IQCH: variants seen among roughly 807,000 people sequenced by gnomAD.
IQCH encodes the protein IQ motif containing H.
Under a neutral mutation model 117.0 loss-of-function variants are expected in IQCH, and 98 were observed. That is an observed-to-expected ratio of 0.84 (90% confidence interval 0.71 to 0.99). IQCH has a LOEUF of 0.99. Among genes scored for constraint, IQCH ranks in the 50% least tolerant of loss-of-function variants. IQCH has a pLI of 0.00. For missense variants in IQCH, 1,102 were observed against 1,243.8 expected (o/e 0.89, Z 1.72); for synonymous variants, 412 against 448.2 (o/e 0.92, Z 1.02).
At chr15:67,336,870 T>C in intron 4 of IQCH, 105 bp from the exon 5 acceptor site, 1 of 1,136,700 alleles carries the variant, frequency 8.8e-7, no homozygotes, top group Non-Finnish European at 1.2e-6. Flanking sequence ...GCTACTTTAT[T>C]AAAACTTAAT....
At position 67,481,316 on chromosome 15, in the gene IQCH, G is replaced by A. The variant is rs921441720; in HGVS notation, c.2799+5498G>A. ...GTCTCAGGAAACTTACAATCATGGC[G>A]AAAGGGGAAGCAAACACATTCTTCT... On this transcript the variant is annotated intron_variant, in intron 18 of 20. Transcript: ENST00000335894. The surrounding 1 kb of genome is among the most constrained non-coding windows in gnomAD (Gnocchi z 4.1). Among the ~76,000 whole-genome samples the A allele has an allele frequency of 3.3e-5, 5 of 152,130 alleles. No homozygotes were observed. Among genetic ancestry groups the A allele is most frequent in the African/African-American group, 9.7e-5 (4 of 41,430 alleles).
intron 4 of IQCH, among the ~76,000 whole-genome samples, chr15:67,327,697 A>G (rs1043186855): frequency 5.9e-5 from 9 of 152,216 alleles, no homozygotes; most frequent in African/African-American, 9.6e-5. Flanking sequence ...TCCAGACTCT[A>G]TGCTTGCTGT....
Position 67,394,272 on chromosome 15 carries a change from T to G in IQCH, c.1633-1019T>G, listed in dbSNP as rs578128367. ...AGTACTAGCTAACATTCATTAAGTC[T>G]TTATTGTATCCAAGGCACTATTATA... On this transcript the variant is annotated intron_variant, in intron 12 of 20. Coordinates refer to ENST00000335894, the MANE Select transcript of IQCH (RefSeq NM_001031715.3). 5.9e-5 allele frequency among the ~76,000 whole-genome samples: 9 copies of G among 152,350 alleles called. 1 individual carries two copies. The highest frequency in any genetic ancestry group is 2.2e-4 in the African/African-American group (9 of 41,584).
In IQCH at chr15:67,493,647, G is replaced by A. The variant is rs1172510816; in HGVS notation, c.2862-611G>A. 6.6e-6 allele frequency among the ~76,000 whole-genome samples: 1 copy of A among 152,178 alleles called. No homozygotes were observed. Among genetic ancestry groups the A allele is most frequent in the Non-Finnish European group, 1.5e-5 (1 of 68,030 alleles). ...CACACTTAGCGACAGTTCTCCTAAA[G>A]TAACTTAAACCATTTTTTTTAATTA... On this transcript the variant is annotated intron_variant, in intron 19 of 20. Coordinates refer to ENST00000335894, the MANE Select transcript of IQCH (RefSeq NM_001031715.3). The surrounding 1 kb of genome is among the most constrained non-coding windows in gnomAD (Gnocchi z 5.1).
intron 6 of IQCH, among the ~76,000 whole-genome samples, chr15:67,354,188 C>T (rs1368752649): frequency 6.6e-6 from 1 of 152,116 alleles, no homozygotes; most frequent in East Asian, 1.9e-4. Context: ...ATACATAGAT[C>T]AATCTTATTT....
intron 17 of IQCH, among the ~76,000 whole-genome samples, chr15:67,468,593 T>C (rs1242193278): frequency 1.3e-5 from 2 of 152,206 alleles, no homozygotes; most frequent in Non-Finnish European, 2.9e-5. Flanking sequence ...CAGAGAGCAG[T>C]TCATTATGCA....
rs1168134694 is a variant in IQCH at position 67,427,822 on chromosome 15, A to G, written c.2505+6245A>G. 1.3e-5 allele frequency among the ~76,000 whole-genome samples: 2 copies of G among 151,070 alleles called. No homozygotes were observed. Among genetic ancestry groups the G allele is most frequent in the Admixed American group, 6.6e-5 (1 of 15,200 alleles). On this transcript the variant is annotated intron_variant, in intron 16 of 20. Transcript: ENST00000335894. This position sits in a 1 kb window ranked among gnomAD's most constrained non-coding sequence, Gnocchi z 4.7. ...AATATTTCAAGTAGTCTAAATTCCAATAATAGATTTTTTTTTTTTTTTTTG... is the reference window on the plus strand; with the variant it reads ...AATATTTCAAGTAGTCTAAATTCCAGTAATAGATTTTTTTTTTTTTTTTTG...
At chr15:67,487,653 G>C (rs970655760) in intron 18 of IQCH, among the ~76,000 whole-genome samples, 12 of 152,026 alleles carry the variant, frequency 7.9e-5, no homozygotes, top group African/African-American at 2.9e-4. Flanking sequence ...AAGTAAATCA[G>C]CATTTCTGGA....
rs1266013494 is a variant in IQCH, at chr15:67,476,380, GT to G, written c.2799+564del. Reference sequence around the variant, plus strand: ...TGGAAGGAGAGAGAGAGAGATCTCTGTTGTCTCTTTTACAAGGTACCAGTTC... The same window carrying G: ...TGGAAGGAGAGAGAGAGAGATCTCTGTGTCTCTTTTACAAGGTACCAGTTC... On this transcript the variant is annotated intron_variant, in intron 18 of 20. Coordinates refer to ENST00000335894, the MANE Select transcript of IQCH (RefSeq NM_001031715.3). This position sits in a 1 kb window ranked among gnomAD's most constrained non-coding sequence, Gnocchi z 4.1. 6.6e-6 allele frequency among the ~76,000 whole-genome samples: 1 copy of G among 152,160 alleles called. No homozygotes were observed. The highest frequency in any genetic ancestry group is 1.5e-5 in the Non-Finnish European group (1 of 68,030).
intron 6 of IQCH, among the ~76,000 whole-genome samples, chr15:67,345,854 G>C (rs1269020802): frequency 1.3e-5 from 2 of 152,142 alleles, no homozygotes; most frequent in Non-Finnish European, 2.9e-5. Flanking sequence ...ATGGTTTCTT[G>C]CTTTTGACAA....
chr15:67,479,280 T>A lies in IQCH; in HGVS notation c.2799+3462T>A, dbSNP rs1425543576. 4.6e-5 allele frequency among the ~76,000 whole-genome samples: 7 copies of A among 152,234 alleles called. No homozygotes were observed. Among genetic ancestry groups the A allele is most frequent in the Non-Finnish European group, 1.0e-4 (7 of 68,034 alleles). ...CATATTACAGTGAGGACTTTAGGCTTAAAGATTTTAAGCATTTTCCCAGGG... is the reference window on the plus strand; with the variant it reads ...CATATTACAGTGAGGACTTTAGGCTAAAAGATTTTAAGCATTTTCCCAGGG... On this transcript the variant is annotated intron_variant, in intron 18 of 20. Transcript: ENST00000335894. The surrounding 1 kb of genome is among the most constrained non-coding windows in gnomAD (Gnocchi z 4.6).
Position 67,443,213 on chromosome 15 carries a change from C to T in IQCH, c.2505+21636C>T, listed in dbSNP as rs1184550588. ...TTCACCGTGTTAACCAGGATGGTCT[C>T]GATCTCCTGAACTCGTCATCCACCC... On this transcript the variant is annotated intron_variant, in intron 16 of 20. Coordinates refer to ENST00000335894, the MANE Select transcript of IQCH (RefSeq NM_001031715.3). The surrounding 1 kb of genome is among the most constrained non-coding windows in gnomAD (Gnocchi z 5.0). 6.6e-6 allele frequency among the ~76,000 whole-genome samples: 1 copy of T among 152,088 alleles called. No individual in the cohort carries two copies. Among genetic ancestry groups the T allele is most frequent in the African/African-American group, 2.4e-5 (1 of 41,392 alleles).
rs955545019 is a variant in IQCH, at chr15:67,472,742, A to G, written c.2677-2954A>G. 6.6e-6 allele frequency among the ~76,000 whole-genome samples: 1 copy of G among 152,114 alleles called. No homozygotes were observed. Among genetic ancestry groups the G allele is most frequent in the Non-Finnish European group, 1.5e-5 (1 of 68,030 alleles). ...CTTTCCACTGCAGAATTCTGCTTGT[A>G]TCCTCACCTCTGACTCTCCAGGCAA... On this transcript the variant is annotated intron_variant, in intron 17 of 20. Coordinates refer to ENST00000335894, the MANE Select transcript of IQCH (RefSeq NM_001031715.3). This position sits in a 1 kb window ranked among gnomAD's most constrained non-coding sequence, Gnocchi z 4.3.
At chr15:67,480,751 A>G (rs2083318386) in intron 18 of IQCH, among the ~76,000 whole-genome samples, 1 of 152,112 alleles carries the variant, frequency 6.6e-6, no homozygotes, top group African/African-American at 2.4e-5. Context: ...TGAAGTGGTG[A>G]AATATTTGGC....
At position 67,490,128 on chromosome 15, in the gene IQCH, G is replaced by T; in HGVS notation, c.2861+64G>T. 1 of 1,070,388 alleles carries T rather than the reference G, an allele frequency of 9.3e-7. No homozygotes were observed. Among genetic ancestry groups the T allele is most frequent in the Non-Finnish European group, 1.4e-6 (1 of 695,238 alleles). The allele number at this position is 1,070,388 out of a possible 1,614,324, so 66.3% of individuals were successfully genotyped here. ...GGAAATAGACAATCACAACTAACAA[G>T]AATGATGCTTCTCATGCATTTTAAT... On this transcript the variant is annotated intron_variant, in intron 19 of 20. Coordinates refer to ENST00000335894, the MANE Select transcript of IQCH (RefSeq NM_001031715.3). The surrounding 1 kb of genome is among the most constrained non-coding windows in gnomAD (Gnocchi z 4.9).
rs1021090743 is a variant in IQCH at position 67,436,254 on chromosome 15, G to T, written c.2505+14677G>T. Among the ~76,000 whole-genome samples, 1 of 152,126 alleles carries T rather than the reference G, an allele frequency of 6.6e-6. No individual in the cohort carries two copies. The highest frequency in any genetic ancestry group is 2.4e-5 in the African/African-American group (1 of 41,434). Reference sequence around the variant, plus strand: ...CAAATACTGTGAGTGCCCCAACTGCGGAAGTAGGAAAGGGAGACCCTCCTC... The same window carrying T: ...CAAATACTGTGAGTGCCCCAACTGCTGAAGTAGGAAAGGGAGACCCTCCTC... On this transcript the variant is annotated intron_variant, in intron 16 of 20. Transcript: ENST00000335894. This position sits in a 1 kb window ranked among gnomAD's most constrained non-coding sequence, Gnocchi z 5.1.
At chr15:67,328,771 A>C (rs1197984077) in intron 4 of IQCH, among the ~76,000 whole-genome samples, 2 of 152,232 alleles carry the variant, frequency 1.3e-5, no homozygotes, top group Non-Finnish European at 2.9e-5. Context: ...CCAGTTTTGA[A>C]AGAAAAAAGC....
chr15:67,278,861 T>G (rs1369073388), intron 3 of IQCH, among the ~76,000 whole-genome samples: 1 of 152,190 alleles, frequency 6.6e-6, no homozygotes, highest in African/African-American at 2.4e-5. Context: ...CAAGTACTCA[T>G]TCTTACAATT....
At chr15:67,306,410 C>T (rs776258148) in intron 4 of IQCH, among the ~76,000 whole-genome samples, 1 of 152,050 alleles carries the variant, frequency 6.6e-6, no homozygotes, top group Non-Finnish European at 1.5e-5. Flanking sequence ...AACACTCAAA[C>T]GGGATTATTA....
Sources: gnomAD v4.1 joint callset for allele counts (sites outside exome capture counted in the v4.1 genomes callset) on GRCh38, gnomAD v4.1.1 for gene constraint, Gnocchi (gnomAD v3.1) non-coding constraint, MANE v1.5 for transcripts, NCBI Gene and HGNC (gene_info 2026-07-23, HGNC 2026-07-21) for gene names.